Variants in PTPN9 observed in about 807,000 individuals in gnomAD.
PTPN9 encodes the protein tyrosine-protein phosphatase non-receptor type 9.
In PTPN9, 26 loss-of-function variants were observed where a neutral mutation model predicts 69.8. The ratio of observed to expected loss-of-function variants is 0.37; its 90% CI spans 0.27 to 0.52. The LOEUF (loss-of-function observed/expected upper bound fraction) is 0.52, where lower values mean the gene tolerates loss of function less well. Among genes scored for constraint, PTPN9 ranks in the 20% least tolerant of loss-of-function variants. The pLI is 0.91. For synonymous variants in PTPN9, 274 were observed against 272.5 expected (o/e 1.01, Z -0.05); for missense variants, 549 against 740.3 (o/e 0.74, Z 3.00).
chr15:75,520,875 C>T (rs958719696), intron 4 of PTPN9, among the ~76,000 whole-genome samples: 1 of 152,028 alleles, frequency 6.6e-6, no homozygotes, highest in Non-Finnish European at 1.5e-5. Context: ...ACAATCATGG[C>T]GCACTGTAGC....
chr15:75,499,870 T>C (rs2074763687), intron 7 of PTPN9, among the ~76,000 whole-genome samples: 1 of 151,876 alleles, frequency 6.6e-6, no homozygotes, highest in South Asian at 2.1e-4. Context: ...CTCCAACATA[T>C]TTCCTTGATT....
intron 1 of PTPN9, among the ~76,000 whole-genome samples, chr15:75,567,372 A>G (rs1468067168): frequency 6.6e-6 from 1 of 152,138 alleles, no homozygotes; most frequent in Non-Finnish European, 1.5e-5. Flanking sequence ...TATAATGAAT[A>G]TCATCATATT....
intron 1 of PTPN9, among the ~76,000 whole-genome samples, chr15:75,559,138 G>A (rs1294582606): frequency 4.4e-4 from 67 of 150,976 alleles, no homozygotes; most frequent in African/African-American, 1.5e-3. Context: ...CCTCTGCCCC[G>A]CCGCCCCGTC....
chr15:75,524,385 A>T, intron 2 of PTPN9, 87 bp from the exon 3 acceptor site: 3 of 720,496 alleles, frequency 4.2e-6, no homozygotes, highest in Non-Finnish European at 7.2e-6. Context: ...CTCAGAGATA[A>T]GGTGGTTATC....
Position 75,563,333 on chromosome 15 carries a change from C to T in PTPN9, c.63+15381G>A, listed in dbSNP as rs576456451. 8.5e-5 allele frequency among the ~76,000 whole-genome samples: 13 copies of T among 152,310 alleles called. No homozygotes were observed. In the East Asian group the frequency reaches 2.3e-3, roughly 27 times the overall value. ...CCTCCCAAGTAGCTGGGATTACAGG[C>T]ACCTGCCACCATGCCCAGCTAACTT... On this transcript the variant is annotated intron_variant, in intron 1 of 12. Coordinates refer to ENST00000618819, the MANE Select transcript of PTPN9 (RefSeq NM_002833.4).
intron 6 of PTPN9, among the ~76,000 whole-genome samples, chr15:75,508,636 A>G (rs1472775088): frequency 1.3e-5 from 2 of 152,216 alleles, no homozygotes; most frequent in African/African-American, 4.8e-5. Flanking sequence ...TACCTCCAGG[A>G]CACGTTCCTT....
intron 7 of PTPN9, among the ~76,000 whole-genome samples, chr15:75,502,533 GTATATATA>G (rs746138084): frequency 6.6e-6 from 1 of 151,662 alleles, no homozygotes; most frequent in Non-Finnish European, 1.5e-5. Context: ...GTGTGGGTGT[GTATATATA>G]TATGTATGTA....
rs116891108 is a variant in PTPN9, at chr15:75,484,937, T to G, written c.1063-5023A>C. On this transcript the variant is annotated intron_variant, in intron 8 of 12. Transcript: ENST00000618819. ...TTCATTAGCCAGTCAGTCTACCAAT[T>G]TATCACTCTACTATTTATTTAGTCA... 7.0e-4 allele frequency among the ~76,000 whole-genome samples: 106 copies of G among 152,350 alleles called. 1 individual carries two copies. The East Asian group carries it at 0.02, about 28-fold the overall frequency.
At chr15:75,531,720 G>T (rs906599578) in intron 1 of PTPN9, among the ~76,000 whole-genome samples, 1 of 151,754 alleles carries the variant, frequency 6.6e-6, no homozygotes, top group Non-Finnish European at 1.5e-5. Flanking sequence ...CACCACACCC[G>T]GCTAATTTTT....
chr15:75,562,791 C>CAAAAAAAAAAAAAAAAAAAAAAAAAAA (rs60164759), intron 1 of PTPN9, among the ~76,000 whole-genome samples: 1 of 80,050 alleles, frequency 1.2e-5, no homozygotes, highest in African/African-American at 4.8e-5. Context: ...AGACTCGTTT[C>CAAAAAAAAAAAAAAAAAAAAAAAAAAA]AAAAAAAAAA....
chr15:75,509,361 G>T (rs760711360), intron 5 of PTPN9, among the ~76,000 whole-genome samples: 2 of 152,124 alleles, frequency 1.3e-5, no homozygotes, highest in Non-Finnish European at 2.9e-5. Context: ...ATTAAAACTT[G>T]AAGGAAAAAT....
intron 9 of PTPN9, among the ~76,000 whole-genome samples, chr15:75,479,262 G>A (rs752618396): frequency 3.3e-5 from 5 of 151,988 alleles, no homozygotes; most frequent in South Asian, 2.1e-4. Context: ...AGTGGAGGTC[G>A]TACCACTGCA....
intron 1 of PTPN9, among the ~76,000 whole-genome samples, chr15:75,568,673 A>T (rs1004264634): frequency 2.1e-5 from 3 of 140,874 alleles, no homozygotes; most frequent in African/African-American, 7.7e-5. Flanking sequence ...CCATCTCTTT[A>T]GAAAAAAAAA....
chr15:75,525,658 C>T (rs1336552468), intron 2 of PTPN9, among the ~76,000 whole-genome samples: 8 of 151,606 alleles, frequency 5.3e-5, no homozygotes, highest in Admixed American at 5.3e-4. Context: ...TGGCTCATGC[C>T]TGTAATCCCA....
chr15:75,475,979 A>T (rs987642554), intron 9 of PTPN9, among the ~76,000 whole-genome samples: 2 of 152,130 alleles, frequency 1.3e-5, no homozygotes, highest in Non-Finnish European at 2.9e-5. Context: ...TCCCTACAAA[A>T]AATACAAAAA....
chr15:75,530,711 TTATATAATATATATAATATATATTATTA>T (rs2074956534), intron 1 of PTPN9, among the ~76,000 whole-genome samples: 1 of 29,758 alleles, frequency 3.4e-5, no homozygotes, highest in African/African-American at 2.6e-4. Context: ...ATATATATTA[TTATATAATATATATAATATATATTATTA>T]TATAATATAT....
intron 9 of PTPN9, 39 bp from the exon 10 acceptor site, chr15:75,473,806 A>G: frequency 6.7e-7 from 1 of 1,490,864 alleles, no homozygotes; most frequent in Non-Finnish European, 9.3e-7. Flanking sequence ...TGACTCTGGG[A>G]AACACTTTTT....
At chr15:75,473,265 A>G (rs1292619094) in intron 10 of PTPN9, among the ~76,000 whole-genome samples, 3 of 150,712 alleles carry the variant, frequency 2.0e-5, no homozygotes, top group South Asian at 2.1e-4. Flanking sequence ...TTTTTTTTTA[A>G]TTGAGACAGA....
rs540968077 is a variant in PTPN9, at chr15:75,490,966, G to C, written c.969-665C>G. On this transcript the variant is annotated intron_variant, in intron 7 of 12. Transcript: ENST00000618819. ...CTAGAGAGAAGTCAAAAAATTAGCC[G>C]GGCATCATGGCACACACCTGTACTC... Among the ~76,000 whole-genome samples, 58 of 151,832 alleles carry C rather than the reference G, an allele frequency of 3.8e-4. 1 individual carries two copies. The highest frequency in any genetic ancestry group is 1.4e-3 in the African/African-American group (56 of 41,440).
Sources: gnomAD v4.1 joint callset for allele counts (sites outside exome capture counted in the v4.1 genomes callset) on GRCh38, gnomAD v4.1.1 for gene constraint, MANE v1.5 for transcripts, NCBI Gene and HGNC (gene_info 2026-07-23, HGNC 2026-07-21) for gene names.